NLGN1: variants seen among roughly 807,000 people sequenced by gnomAD.
NLGN1 encodes the protein neuroligin 1.
In NLGN1, 12 loss-of-function variants were observed where a neutral mutation model predicts 65.5. That is an observed-to-expected ratio of 0.18 (90% CI 0.12 to 0.30). The LOEUF is 0.30. Among genes scored for constraint, NLGN1 ranks in the 10% least tolerant of loss-of-function variants. The pLI is 1.00. For missense variants in NLGN1, 750 were observed against 1,007.1 expected, an observed-to-expected ratio of 0.74 and a Z score of 3.46; for synonymous variants, 350 against 359.5, an observed-to-expected ratio of 0.97 and a Z score of 0.30.
intron 2 of NLGN1, among the ~76,000 whole-genome samples, chr3:173,603,780 C>CT (rs1353408309): frequency 1.3e-5 from 2 of 151,900 alleles, no homozygotes; most frequent in African/African-American, 2.4e-5. Context: ...TATTATCTTG[C>CT]TTTTTTTGAT....
intron 4 of NLGN1, among the ~76,000 whole-genome samples, chr3:173,903,568 A>G (rs376846142): frequency 1.1e-4 from 16 of 152,282 alleles, no homozygotes; most frequent in African/African-American, 3.4e-4. Flanking sequence ...GAGGTGACAG[A>G]TGGAAGCTGC....
At position 173,859,544 on chromosome 3, in the gene NLGN1, T is replaced by A. The variant is rs765205538; in HGVS notation, c.646+51712T>A. Among the ~76,000 whole-genome samples, 85 of 152,248 alleles carry A rather than the reference T, an allele frequency of 5.6e-4. 1 individual carries two copies. Among genetic ancestry groups the A allele is most frequent in the Non-Finnish European group, 9.3e-4 (63 of 67,958 alleles). On this transcript the variant is annotated intron_variant, in intron 4 of 6. Coordinates refer to ENST00000457714, the Ensembl canonical transcript of NLGN1. ...CTCTTTAGAAAATTATACTGTTGTG[T>A]GATATGAACTAAAGAAATAACAGCA...
At chr3:173,608,080 AGTATTTTCTG>A in intron 3 of NLGN1, among the ~76,000 whole-genome samples, 1 of 151,988 alleles carries the variant, frequency 6.6e-6, no homozygotes, top group East Asian at 1.9e-4. Flanking sequence ...CAAAGAGCAA[AGTATTTTCTG>A]TACTTTGTTG....
chr3:173,867,210 T>G (rs1730342740), intron 4 of NLGN1, among the ~76,000 whole-genome samples: 1 of 152,194 alleles, frequency 6.6e-6, no homozygotes, highest in South Asian at 2.1e-4. Flanking sequence ...CAGATTACAG[T>G]GCAGCAGTTA....
rs116213984 is a variant in NLGN1, at chr3:173,541,516, A to G, written c.-320-62763A>G. On this transcript the variant is annotated intron_variant, in intron 2 of 6. Transcript: ENST00000457714. ...TTGTCTATGATTCATGAAATTCAAA[A>G]TGAAGGTTTAGCTATGCTGTTTGAA... Among the ~76,000 whole-genome samples the G allele has an allele frequency of 5.5e-3, 843 of 152,268 alleles. 5 individuals are homozygous for G. The highest frequency in any genetic ancestry group is 0.019 in the African/African-American group (792 of 41,574).
At chr3:173,807,701 C>T in exon 4 of NLGN1, 1 of 1,613,520 alleles carries the variant, frequency 6.2e-7, no homozygotes, top group Non-Finnish European at 8.5e-7. Flanking sequence ...AGTGGGGGTC[C>T]CAAACCAGTG....
intron 4 of NLGN1, among the ~76,000 whole-genome samples, chr3:174,177,428 G>A (rs915318959): frequency 1.3e-5 from 2 of 151,988 alleles, no homozygotes; most frequent in Non-Finnish European, 2.9e-5. Context: ...TAGAAGCGAT[G>A]ACCATATTGT....
intron 5 of NLGN1, among the ~76,000 whole-genome samples, chr3:174,277,913 A>G (rs1190971926): frequency 6.6e-6 from 1 of 151,964 alleles, no homozygotes; most frequent in East Asian, 1.9e-4. Flanking sequence ...GATAAAATTG[A>G]TAATAAATTT....
intron 4 of NLGN1, among the ~76,000 whole-genome samples, chr3:173,975,221 A>G (rs957925146): frequency 6.6e-6 from 1 of 151,932 alleles, no homozygotes; most frequent in African/African-American, 2.4e-5. Flanking sequence ...TGTATCACCA[A>G]TTTGGGGCTT....
chr3:173,959,421 A>G (rs1216793301), intron 4 of NLGN1, among the ~76,000 whole-genome samples: 1 of 152,248 alleles, frequency 6.6e-6, no homozygotes, highest in Non-Finnish European at 1.5e-5. Context: ...CCATGCCTGG[A>G]GTCACCATAG....
At chr3:173,770,112 G>A (rs1779368677) in intron 3 of NLGN1, among the ~76,000 whole-genome samples, 1 of 152,100 alleles carries the variant, frequency 6.6e-6, no homozygotes, top group South Asian at 2.1e-4. Context: ...AAGCCATTAG[G>A]AACCTCAGAG....
intron 4 of NLGN1, among the ~76,000 whole-genome samples, chr3:173,816,460 T>A (rs987919172): frequency 6.6e-6 from 1 of 152,238 alleles, no homozygotes; most frequent in Non-Finnish European, 1.5e-5. Context: ...TGTCATTGCC[T>A]TATCCATCTG....
chr3:173,487,684 TG>T (rs1411262186), intron 2 of NLGN1, among the ~76,000 whole-genome samples: 2 of 152,090 alleles, frequency 1.3e-5, no homozygotes, highest in African/African-American at 4.8e-5. Context: ...CCTAGTGAAT[TG>T]TTCTGTGTAT....
At chr3:173,446,235 T>C (rs186200885) in intron 2 of NLGN1, among the ~76,000 whole-genome samples, 2 of 148,092 alleles carry the variant, frequency 1.4e-5, no homozygotes, top group African/African-American at 2.5e-5. Context: ...CCCACAACAG[T>C]CCCGGTGTGT....
chr3:173,893,476 G>A (rs1325002198), intron 4 of NLGN1, among the ~76,000 whole-genome samples: 1 of 152,108 alleles, frequency 6.6e-6, no homozygotes, highest in Non-Finnish European at 1.5e-5. Context: ...CAAGTAAAGA[G>A]TTTAATAAAA....
intron 4 of NLGN1, among the ~76,000 whole-genome samples, chr3:173,885,040 T>G (rs1734080514): frequency 6.6e-6 from 1 of 152,148 alleles, no homozygotes; most frequent in Non-Finnish European, 1.5e-5. Flanking sequence ...AGTCCCCACC[T>G]TTGAATAGTA....
chr3:173,867,158 A>G (rs1279923689), intron 4 of NLGN1, among the ~76,000 whole-genome samples: 1 of 152,190 alleles, frequency 6.6e-6, no homozygotes. Context: ...AATAAAATTT[A>G]AAATGTAACC....
At chr3:174,225,914 A>G (rs1739589086) in intron 4 of NLGN1, among the ~76,000 whole-genome samples, 1 of 152,178 alleles carries the variant, frequency 6.6e-6, no homozygotes. Flanking sequence ...CAAGTCAAGG[A>G]AAAATTTCTA....
intron 4 of NLGN1, among the ~76,000 whole-genome samples, chr3:173,857,841 A>G (rs1222860233): frequency 7.1e-6 from 1 of 140,670 alleles, no homozygotes; most frequent in Admixed American, 7.1e-5. Context: ...CTTAAATTTC[A>G]GTATTGTCCT....
Sources: allele counts gnomAD v4.1 joint callset (sites outside exome capture counted in the v4.1 genomes callset), GRCh38; gene constraint gnomAD v4.1.1; transcripts MANE v1.5; gene names NCBI Gene and HGNC (gene_info 2026-07-23, HGNC 2026-07-21).